The following SPATC1L variants were observed in gnomAD, a reference collection of about 807,000 sequenced individuals.
SPATC1L encodes speriolin-like protein.
A neutral mutation model predicts 21.2 loss-of-function variants in SPATC1L; 20 were observed. That is an observed-to-expected ratio of 0.94 (90% CI 0.66 to 1.37). The LOEUF (loss-of-function observed/expected upper bound fraction) is 1.37. SPATC1L is among the 40% of genes most tolerant of loss of function. SPATC1L has a pLI of 0.00. For missense variants in SPATC1L, 499 were observed against 478.7 expected, an observed-to-expected ratio of 1.04 and a Z score of -0.40; for synonymous variants, 290 against 234.5, an observed-to-expected ratio of 1.24 and a Z score of -2.16.
At chr21:46,182,558 T>C in intron 2 of SPATC1L, 66 bp downstream of exon 2, 1 of 1,387,930 alleles carries the variant, frequency 7.2e-7, no homozygotes, top group Non-Finnish European at 9.4e-7. Flanking sequence ...CACCCTCGAC[T>C]CCCGGGGAGC....
intron 2 of SPATC1L, 57 bp downstream of exon 2, chr21:46,182,567 G>T (rs762647619): frequency 4.8e-5 from 67 of 1,400,390 alleles, no homozygotes; most frequent in Non-Finnish European, 6.1e-5. Context: ...CTCCCGGGGA[G>T]CAGGCGTCCC....
At chr21:46,163,635 T>A (rs1036236277) in intron 3 of SPATC1L, among the ~76,000 whole-genome samples, 1 of 152,246 alleles carries the variant, frequency 6.6e-6, no homozygotes, top group Admixed American at 6.5e-5. Flanking sequence ...TTGGCACTCT[T>A]GTTGAAAACC....
intron 2 of SPATC1L, among the ~76,000 whole-genome samples, chr21:46,179,091 AT>A (rs755685858): frequency 5.0e-4 from 42 of 83,968 alleles, no homozygotes; most frequent in African/African-American, 9.0e-4. Context: ...AAAAAAAAAA[AT>A]TTTTAACTAG....
Position 46,168,310 on chromosome 21 carries a change from T to C in SPATC1L, c.542A>G (p.Asn181Ser), listed in dbSNP as rs369043715. The C allele has an allele frequency of 1.2e-5, 19 of 1,572,562 alleles. No homozygotes were observed. Among genetic ancestry groups the C allele is most frequent in the Middle Eastern group, 3.4e-4 (2 of 5,880 alleles). The change falls in exon 3 of 5, where the codon AAT becomes AGT. Residue 181 changes from asparagine (N) to serine (S), a missense_variant and splice_region_variant. Transcript: ENST00000291672. ...GGTGCCCCCGCACCCGGCCATACCA[T>C]TGAGGTAGTAGCTCCTCCTGGTCCT... ...GDRTRRSYYL[N>S]EIQSFAGAEK...
intron 2 of SPATC1L, among the ~76,000 whole-genome samples, chr21:46,181,084 C>T (rs1364486957): frequency 6.6e-6 from 1 of 152,218 alleles, no homozygotes; most frequent in Non-Finnish European, 1.5e-5. Flanking sequence ...AGGGTGATTC[C>T]TTCTTGAGGA....
chr21:46,170,090 C>G (rs2079573839), intron 2 of SPATC1L, among the ~76,000 whole-genome samples: 2 of 91,398 alleles, frequency 2.2e-5, no homozygotes, highest in Non-Finnish European at 4.6e-5. Flanking sequence ...GGGGAGGAGC[C>G]TCCTGCTTTG....
intron 2 of SPATC1L, among the ~76,000 whole-genome samples, chr21:46,174,336 A>AG (rs1424489667): frequency 1.2e-5 from 1 of 85,382 alleles, no homozygotes; most frequent in Non-Finnish European, 2.5e-5. Context: ...CTGTCTCAAA[A>AG]AACAAAACAA....
intron 2 of SPATC1L, 45 bp downstream of exon 2, chr21:46,182,579 C>A (rs543964172): frequency 7.7e-6 from 11 of 1,420,286 alleles, no homozygotes; most frequent in African/African-American, 7.3e-5. Context: ...AGGCGTCCCG[C>A]GACCCCCTCA....
intron 3 of SPATC1L, among the ~76,000 whole-genome samples, chr21:46,167,850 G>C (rs1223769468): frequency 2.0e-5 from 3 of 152,098 alleles, no homozygotes; most frequent in African/African-American, 7.2e-5. Context: ...AAAACTTCTA[G>C]AACAACACAC....
rs2123609995 is a variant in SPATC1L at position 46,161,263 on chromosome 21, G to C, written c.*116C>G. ...ACCGGTGGGAGCGGGGCCTTCTCTG[G>C]CCTCGCGCGCGGGGGACGCGGCCCT... On this transcript the variant is annotated 3_prime_UTR_variant, in exon 5 of 5. Transcript: ENST00000291672. 1 of 1,044,470 alleles carries C rather than the reference G, an allele frequency of 9.6e-7. No homozygotes were observed. Among genetic ancestry groups the C allele is most frequent in the Non-Finnish European group, 1.3e-6 (1 of 765,750 alleles). The allele number at this position is 1,044,470 out of a possible 1,614,324, so 64.7% of individuals were successfully genotyped here.
At position 46,162,024 on chromosome 21, in the gene SPATC1L, C is replaced by A. The variant is rs759193170; in HGVS notation, c.588G>T (p.Val196=). ...GGTCCAGCTGGAAGGCGATCTCGCC[C>A]ACCACGCGCGCGTCCTTCTCGGCGC... The part of the protein sequence containing the change: ...FAGAEKDARV[V]GEIAFQLDRR... Residue 196 remains valine, a synonymous_variant, in exon 4 of 5, where the codon GTG becomes GTT. Transcript: ENST00000291672. 24 of 1,595,766 alleles carry A rather than the reference C, an allele frequency of 1.5e-5. No individual in the cohort carries two copies. In the East Asian group the frequency reaches 2.3e-4, roughly 15 times the overall value.
At chr21:46,178,341 C>T (rs2079647851) in intron 2 of SPATC1L, among the ~76,000 whole-genome samples, 1 of 151,386 alleles carries the variant, frequency 6.6e-6, no homozygotes, top group Non-Finnish European at 1.5e-5. Flanking sequence ...AACAGAAAAC[C>T]AAATGCCACA....
chr21:46,174,872 C>T (rs1174619988), intron 2 of SPATC1L, among the ~76,000 whole-genome samples: 1 of 152,212 alleles, frequency 6.6e-6, no homozygotes, highest in African/African-American at 2.4e-5. Context: ...TTCTCATTGC[C>T]ACATGGCACA....
intron 2 of SPATC1L, among the ~76,000 whole-genome samples, chr21:46,174,025 A>G (rs1414143129): frequency 6.6e-6 from 1 of 152,092 alleles, no homozygotes; most frequent in Non-Finnish European, 1.5e-5. Context: ...ACCACAATCA[A>G]AACCTCAAGG....
In SPATC1L at chr21:46,183,064, A is replaced by G. The variant is rs894927675; in HGVS notation, c.-248T>C. On this transcript the variant is annotated 5_prime_UTR_variant, in exon 2 of 5. An upstream start codon of the reference 5' UTR is lost. Transcript: ENST00000291672. ...GGCGTGCACAGGCAGCCACTCCCACATTATGACCAGGGCCCGAGAATGCCA... is the reference window on the plus strand; with the variant it reads ...GGCGTGCACAGGCAGCCACTCCCACGTTATGACCAGGGCCCGAGAATGCCA... The G allele has an allele frequency of 4.1e-6, 2 of 488,584 alleles. No individual in the cohort carries two copies. The highest frequency in any genetic ancestry group is 3.4e-5 in the East Asian group (1 of 29,224). The allele number at this position is 488,584 out of a possible 1,614,324, so 30.3% of individuals were successfully genotyped here. A position where few individuals can be genotyped will look rare whatever the true frequency, so the allele number is the denominator to read the frequency against.
intron 2 of SPATC1L, among the ~76,000 whole-genome samples, chr21:46,179,430 T>C (rs775650636): frequency 6.6e-6 from 1 of 152,114 alleles, no homozygotes; most frequent in Non-Finnish European, 1.5e-5. Flanking sequence ...GGAAATAACC[T>C]TAAATATAAA....
intron 2 of SPATC1L, among the ~76,000 whole-genome samples, chr21:46,179,706 T>TG (rs1004322980): frequency 1.7e-4 from 26 of 152,206 alleles, no homozygotes; most frequent in Non-Finnish European, 3.2e-4. Flanking sequence ...GTGGGCAATC[T>TG]GGGGGGGCCT....
chr21:46,171,129 A>G (rs2079586730), intron 2 of SPATC1L, among the ~76,000 whole-genome samples: 1 of 152,228 alleles, frequency 6.6e-6, no homozygotes, highest in Non-Finnish European at 1.5e-5. Flanking sequence ...ATGCCCACCA[A>G]CACCTCCTGG....
intron 2 of SPATC1L, 120 bp from the exon 3 acceptor site, chr21:46,168,778 G>A (rs1250487230): frequency 2.1e-5 from 12 of 569,608 alleles, no homozygotes; most frequent in Non-Finnish European, 3.2e-5. Flanking sequence ...CACCTGCCGG[G>A]GTTTCCCTGG....
Sources: gnomAD v4.1 joint callset for allele counts (sites outside exome capture counted in the v4.1 genomes callset) on GRCh38, gnomAD v4.1.1 for gene constraint, MANE v1.5 for transcripts, NCBI Gene and HGNC (gene_info 2026-07-23, HGNC 2026-07-21) for gene names.